The following CNTNAP4 variants were observed in gnomAD, a reference collection of about 807,000 sequenced individuals.
The protein encoded by CNTNAP4 is contactin associated protein family member 4.
A neutral mutation model predicts 148.4 loss-of-function variants in CNTNAP4; 98 were observed. The ratio of observed to expected loss-of-function variants is 0.66; its 90% CI spans 0.56 to 0.78. The LOEUF is 0.78. Among genes scored for constraint, CNTNAP4 ranks in the 30% least tolerant of loss-of-function variants. The probability of loss-of-function intolerance (pLI) is 0.00; values close to 1 mark genes in which losing one functional copy is unlikely to be tolerated. For missense variants in CNTNAP4, 1,935 were observed against 1,565.6 expected (o/e 1.24, Z -3.98); for synonymous variants, 730 against 565.1 (o/e 1.29, Z -4.14).
chr16:76,538,884 C>T (rs1938003087), intron 19 of CNTNAP4, among the ~76,000 whole-genome samples: 1 of 151,958 alleles, frequency 6.6e-6, no homozygotes, highest in Admixed American at 6.6e-5. Context: ...TACAGAAAAC[C>T]ATTTACTGCT....
intron 2 of CNTNAP4, among the ~76,000 whole-genome samples, chr16:76,334,703 C>T (rs189657866): frequency 6.6e-6 from 1 of 152,150 alleles, no homozygotes; most frequent in Admixed American, 6.5e-5. Flanking sequence ...ATGCTATTTG[C>T]AAAATCCATC....
intron 11 of CNTNAP4, among the ~76,000 whole-genome samples, 153 bp from the exon 12 acceptor site, chr16:76,479,266 A>G (rs1250321617): frequency 1.3e-5 from 2 of 152,136 alleles, no homozygotes; most frequent in African/African-American, 4.8e-5. Context: ...AATTTTAAAA[A>G]AGAATGAGTT....
intron 1 of CNTNAP4, among the ~76,000 whole-genome samples, chr16:76,286,357 A>G (rs1386236497): frequency 6.6e-6 from 1 of 152,152 alleles, no homozygotes; most frequent in Admixed American, 6.6e-5. Flanking sequence ...TATCCATACC[A>G]GAGTAGTCTC....
intron 3 of CNTNAP4, among the ~76,000 whole-genome samples, chr16:76,414,548 TG>T (rs2078911759): frequency 6.6e-6 from 1 of 151,316 alleles, no homozygotes; most frequent in Non-Finnish European, 1.5e-5. Context: ...CAAAACAAGC[TG>T]GGAAGCATTC....
rs1284504948 is a variant in CNTNAP4 at position 76,449,823 on chromosome 16, T to A, written c.1036T>A (p.Leu346Met). ...LYYNGVDIIDLAKQQKPQIIA... is the reference protein window; with the variant it reads ...LYYNGVDIIDMAKQQKPQIIA... ...TTATAATGGAGTGGATATCATTGATTTGGCCAAGCAGCAAAAACCACAGAT... is the reference window on the plus strand; with the variant it reads ...TTATAATGGAGTGGATATCATTGATATGGCCAAGCAGCAAAAACCACAGAT... Residue 346 changes from leucine (L) to methionine (M), a missense_variant, in exon 7 of 24, where the codon TTG (leucine) becomes ATG (methionine). Coordinates refer to ENST00000611870, the MANE Select transcript of CNTNAP4 (RefSeq NM_033401.5). 6.2e-7 allele frequency: 1 copy of A among 1,608,508 alleles called. No homozygotes were observed. Among genetic ancestry groups the A allele is most frequent in the Non-Finnish European group, 8.5e-7 (1 of 1,177,624 alleles).
rs67354977 is a variant in CNTNAP4 at position 76,470,482 on chromosome 16, A to AATATATATATATATATAT, written c.1655+2974_1655+2975insTATATATATATATATATA. ...ATAGCAAAACCACGTCTCTACTAAT[A>AATATATATATATATATAT]ATATATATATATATAAAATTAGTCG... On this transcript the variant is annotated intron_variant, in intron 10 of 23. Transcript: ENST00000611870. 5.5e-4 allele frequency among the ~76,000 whole-genome samples: 53 copies of AATATATATATATATATAT among 96,984 alleles called. 3 individuals carry two copies. The highest frequency in any genetic ancestry group is 2.5e-3 in the African/African-American group (52 of 21,124). The allele number at this position is 96,984 out of a possible 152,430, so 63.6% of individuals were successfully genotyped here. A position where few individuals can be genotyped will look rare whatever the true frequency, so the allele number is the denominator to read the frequency against.
chr16:76,314,351 A>G (rs532942825), intron 1 of CNTNAP4, among the ~76,000 whole-genome samples: 2 of 152,326 alleles, frequency 1.3e-5, no homozygotes, highest in Non-Finnish European at 2.9e-5. Flanking sequence ...TTAAGAAAGT[A>G]AAGTGGTGAA....
At chr16:76,513,095 T>A (rs979934090) in intron 15 of CNTNAP4, among the ~76,000 whole-genome samples, 4 of 152,018 alleles carry the variant, frequency 2.6e-5, no homozygotes, top group African/African-American at 9.7e-5. Flanking sequence ...ATGAGAGAAT[T>A]AATAGCATGT....
intron 11 of CNTNAP4, among the ~76,000 whole-genome samples, chr16:76,476,704 C>T (rs527650862): frequency 6.6e-6 from 1 of 152,196 alleles, no homozygotes; most frequent in South Asian, 2.1e-4. Context: ...TGAGGGATTT[C>T]TCTGGGAAAT....
chr16:76,282,270 G>A (rs1347237177), intron 1 of CNTNAP4, among the ~76,000 whole-genome samples: 1 of 151,572 alleles, frequency 6.6e-6, no homozygotes, highest in South Asian at 2.1e-4. Context: ...TATTTCAGTG[G>A]GTATAAATTA....
intron 2 of CNTNAP4, among the ~76,000 whole-genome samples, chr16:76,344,199 CAT>C (rs58551609): frequency 4.7e-4 from 71 of 149,558 alleles, no homozygotes; most frequent in South Asian, 1.1e-3. Context: ...TACATACACA[CAT>C]ATATATATAT....
At chr16:76,555,819 G>A (rs1204170563) in intron 23 of CNTNAP4, among the ~76,000 whole-genome samples, 1 of 152,136 alleles carries the variant, frequency 6.6e-6, no homozygotes, top group Non-Finnish European at 1.5e-5. Context: ...TGTAGTTCAG[G>A]GGCTTGCCAG....
chr16:76,346,061 T>C (rs780832493), intron 2 of CNTNAP4, among the ~76,000 whole-genome samples: 12 of 152,106 alleles, frequency 7.9e-5, no homozygotes, highest in Non-Finnish European at 1.6e-4. Context: ...AAAATAAATG[T>C]CTGTTGTTTA....
intron 3 of CNTNAP4, among the ~76,000 whole-genome samples, chr16:76,417,058 G>C (rs2079012801): frequency 6.6e-6 from 1 of 151,392 alleles, no homozygotes; most frequent in East Asian, 1.9e-4. Flanking sequence ...GTTAACGTGT[G>C]ATATATCTTT....
intron 17 of CNTNAP4, among the ~76,000 whole-genome samples, chr16:76,534,357 T>G (rs2084122487): frequency 6.6e-6 from 1 of 152,204 alleles, no homozygotes; most frequent in African/African-American, 2.4e-5. Flanking sequence ...GAAGTGAACA[T>G]GTTTTAGGAA....
At chr16:76,373,831 G>T (rs1197173193) in intron 3 of CNTNAP4, among the ~76,000 whole-genome samples, 2 of 148,748 alleles carry the variant, frequency 1.3e-5, no homozygotes, top group East Asian at 2.0e-4. Flanking sequence ...GGAGGTGGAG[G>T]TTGCAATGAG....
intron 21 of CNTNAP4, among the ~76,000 whole-genome samples, chr16:76,550,708 T>A (rs2084921897): frequency 6.6e-6 from 1 of 151,722 alleles, no homozygotes; most frequent in Non-Finnish European, 1.5e-5. Flanking sequence ...AAGAATGCGG[T>A]CTTTTTCATG....
Position 76,560,131 on chromosome 16 carries a change from C to G in CNTNAP4, c.*1448C>G, listed in dbSNP as rs1415303790. On this transcript the variant is annotated 3_prime_UTR_variant, in exon 24 of 24. Coordinates refer to ENST00000611870, the MANE Select transcript of CNTNAP4 (RefSeq NM_033401.5). ...GGAACTATCTTTGAATTCTGCAAGCCAATCATACAATAAAGGCACTCTATT... is the reference window on the plus strand; with the variant it reads ...GGAACTATCTTTGAATTCTGCAAGCGAATCATACAATAAAGGCACTCTATT... Among the ~76,000 whole-genome samples the G allele has an allele frequency of 6.6e-6, 1 of 152,124 alleles. No individual in the cohort carries two copies. Among genetic ancestry groups the G allele is most frequent in the East Asian group, 1.9e-4 (1 of 5,192 alleles).
chr16:76,442,955 A>G (rs1217004451), intron 4 of CNTNAP4, among the ~76,000 whole-genome samples: 1 of 152,078 alleles, frequency 6.6e-6, no homozygotes, highest in Admixed American at 6.6e-5. Flanking sequence ...TGAAATATAT[A>G]TTATTAGAAA....
Sources: gnomAD v4.1 joint callset for allele counts (sites outside exome capture counted in the v4.1 genomes callset) on GRCh38, gnomAD v4.1.1 for gene constraint, MANE v1.5 for transcripts, NCBI Gene and HGNC (gene_info 2026-07-23, HGNC 2026-07-21) for gene names.